The following ITSN1 variants were observed in gnomAD, a reference collection of about 807,000 sequenced individuals.
ITSN1 encodes the protein intersectin 1, also known as intersectin-1.
ITSN1 carries 58 observed loss-of-function variants against 239.8 expected under a neutral mutation model. The ratio of observed to expected loss-of-function variants is 0.24; its 90% confidence interval spans 0.20 to 0.30. ITSN1 has a LOEUF of 0.30. ITSN1 is among the 10% of genes least tolerant of loss of function. The pLI, the probability that ITSN1 is intolerant of heterozygous loss-of-function variation, is 1.00. For missense variants in ITSN1, 1,558 were observed against 2,103.3 expected, an observed-to-expected ratio of 0.74 and a Z score of 5.07; for synonymous variants, 780 against 770.8, an observed-to-expected ratio of 1.01 and a Z score of -0.20.
intron 8 of ITSN1, among the ~76,000 whole-genome samples, chr21:33,760,871 G>A (rs1369362878): frequency 6.6e-6 from 1 of 152,112 alleles, no homozygotes; most frequent in Non-Finnish European, 1.5e-5. Flanking sequence ...AAAGGAAGAC[G>A]TATTTATTTC....
intron 11 of ITSN1, among the ~76,000 whole-genome samples, chr21:33,770,627 G>A (rs928190455): frequency 2.0e-5 from 3 of 152,112 alleles, no homozygotes; most frequent in African/African-American, 7.2e-5. Flanking sequence ...TTTACCTGTT[G>A]TGGATATTTC....
chr21:33,868,051 G>A (rs1193519192), intron 33 of ITSN1, among the ~76,000 whole-genome samples: 4 of 152,328 alleles, frequency 2.6e-5, no homozygotes, highest in African/African-American at 7.2e-5. Flanking sequence ...AAGCTTCCAC[G>A]GTGTGGAAAG....
chr21:33,734,380 C>A (rs2066369143), intron 4 of ITSN1, among the ~76,000 whole-genome samples: 1 of 152,142 alleles, frequency 6.6e-6, no homozygotes, highest in South Asian at 2.1e-4. Flanking sequence ...GTACCATTTT[C>A]AAATAGCAGA....
intron 1 of ITSN1, among the ~76,000 whole-genome samples, chr21:33,692,684 A>C (rs994956147): frequency 6.6e-6 from 1 of 152,244 alleles, no homozygotes; most frequent in African/African-American, 2.4e-5. Context: ...CTCATCCATT[A>C]AATATAGTCA....
intron 1 of ITSN1, among the ~76,000 whole-genome samples, chr21:33,701,384 A>G (rs902509563): frequency 6.6e-6 from 1 of 152,062 alleles, no homozygotes; most frequent in Non-Finnish European, 1.5e-5. Flanking sequence ...TTCGGCCTCC[A>G]AAAGTGCTGG....
intron 23 of ITSN1, among the ~76,000 whole-genome samples, chr21:33,818,964 A>T (rs2073468510): frequency 6.6e-6 from 1 of 152,252 alleles, no homozygotes; most frequent in Non-Finnish European, 1.5e-5. Flanking sequence ...TAGCAAAAAT[A>T]TTCAATGAGC....
Position 33,836,539 on chromosome 21 carries a change from C to A in ITSN1, c.3568C>A (p.Pro1190Thr). ...QIINVLNKED[P>T]DWWKGEVNGQ... ...CATCAACGTCCTCAACAAGGAGGACCCTGACTGGTGGAAAGGAGAAGTCAA... is the reference window on the plus strand; with the variant it reads ...CATCAACGTCCTCAACAAGGAGGACACTGACTGGTGGAAAGGAGAAGTCAA... Residue 1190 changes from proline (P) to threonine (T), a missense_variant, in exon 29 of 40, where the codon CCT becomes ACT. Coordinates refer to ENST00000381318, the MANE Select transcript of ITSN1 (RefSeq NM_003024.3). 6.2e-7 allele frequency: 1 copy of A among 1,613,870 alleles called. No homozygotes were observed. The highest frequency in any genetic ancestry group is 2.2e-5 in the East Asian group (1 of 44,870).
intron 1 of ITSN1, among the ~76,000 whole-genome samples, chr21:33,646,118 C>T (rs1172405828): frequency 6.6e-6 from 1 of 152,110 alleles, no homozygotes; most frequent in Non-Finnish European, 1.5e-5. Flanking sequence ...TATTAAAGCC[C>T]AGCATATTAC....
intron 5 of ITSN1, among the ~76,000 whole-genome samples, chr21:33,736,048 T>C (rs1163510470): frequency 2.0e-5 from 3 of 152,218 alleles, no homozygotes; most frequent in Non-Finnish European, 2.9e-5. Context: ...ATTTTTCTTA[T>C]AAGCTAATTG....
At chr21:33,830,171 C>CGT (rs150326367) in intron 27 of ITSN1, among the ~76,000 whole-genome samples, 1 of 151,776 alleles carries the variant, frequency 6.6e-6, no homozygotes, top group Non-Finnish European at 1.5e-5. Flanking sequence ...TGTGCGCGCA[C>CGT]GTGTGTGTGT....
At chr21:33,866,452 C>T (rs1352579475) in intron 32 of ITSN1, among the ~76,000 whole-genome samples, 1 of 151,890 alleles carries the variant, frequency 6.6e-6, no homozygotes, top group Non-Finnish European at 1.5e-5. Context: ...CAGGAAAGTG[C>T]TGACACCAGC....
Position 33,856,827 on chromosome 21 carries a change from C to G in ITSN1, c.3753C>G (p.Asn1251Lys). 6.2e-7 allele frequency: 1 copy of G among 1,614,030 alleles called. No individual in the cohort carries two copies. The highest frequency in any genetic ancestry group is 8.5e-7 in the Non-Finnish European group (1 of 1,179,988). ...YIHELIVTEE[N>K]YVNDLQLVTE... ...ACGAGCTCATTGTCACCGAGGAGAA[C>G]TATGTGAATGACCTGCAGCTGGTCA... Residue 1251 changes from asparagine (N) to lysine (K), a missense_variant, in exon 30 of 40, where the codon AAC becomes AAG. Transcript: ENST00000381318.
rs555092403 is a variant in ITSN1, at chr21:33,836,520, C to T, written c.3549C>T (p.Asn1183=). 20 of 1,613,970 alleles carry T rather than the reference C, an allele frequency of 1.2e-5. No homozygotes were observed. The highest frequency in any genetic ancestry group is 9.9e-5 in the South Asian group (9 of 91,074). Residue 1183 remains asparagine (N), a synonymous_variant, in exon 29 of 40, where the codon AAC becomes AAT. Coordinates refer to ENST00000381318, the MANE Select transcript of ITSN1 (RefSeq NM_003024.3). ...ELAFNKGQII[N]VLNKEDPDWW... Reference sequence around the variant, plus strand: ...CCTTCAACAAGGGCCAGATCATCAACGTCCTCAACAAGGAGGACCCTGACT... The same window carrying T: ...CCTTCAACAAGGGCCAGATCATCAATGTCCTCAACAAGGAGGACCCTGACT...
At chr21:33,750,852 T>A (rs2067502625) in intron 6 of ITSN1, among the ~76,000 whole-genome samples, 1 of 152,226 alleles carries the variant, frequency 6.6e-6, no homozygotes, top group Non-Finnish European at 1.5e-5. Flanking sequence ...GAGACTTTAT[T>A]AAGTCTTTTT....
At position 33,787,638 on chromosome 21, in the gene ITSN1, A is replaced by G. The variant is rs189419612; in HGVS notation, c.1824+5505A>G. Reference sequence around the variant, plus strand: ...GTGAAAGGCAAAATGTTTAGCAACCAGAGGAAAAAAGAAAAGAGCTGGAGA... The same window carrying G: ...GTGAAAGGCAAAATGTTTAGCAACCGGAGGAAAAAAGAAAAGAGCTGGAGA... On this transcript the variant is annotated intron_variant, in intron 16 of 39. Coordinates refer to ENST00000381318, the MANE Select transcript of ITSN1 (RefSeq NM_003024.3). Among the ~76,000 whole-genome samples the G allele has an allele frequency of 1.2e-3, 182 of 152,342 alleles. 1 individual carries two copies. Among genetic ancestry groups the G allele is most frequent in the African/African-American group, 4.2e-3 (175 of 41,574 alleles).
At chr21:33,842,819 G>A (rs936779768) in intron 29 of ITSN1, among the ~76,000 whole-genome samples, 4 of 152,160 alleles carry the variant, frequency 2.6e-5, no homozygotes, top group Admixed American at 2.6e-4. Flanking sequence ...CTCTGACCCA[G>A]GAGAGGGGAG....
Position 33,856,848 on chromosome 21 carries a change from G to C in ITSN1, c.3774G>C (p.Leu1258=), listed in dbSNP as rs1008332115. ...AGAACTATGTGAATGACCTGCAGCT[G>C]GTCACAGAGGTAAGGGAGCTGGTGG... ...TEENYVNDLQ[L]VTEIFQKPLM... Residue 1258 remains leucine, a synonymous_variant, in exon 30 of 40, where the codon CTG becomes CTC. Transcript: ENST00000381318. 1 of 1,614,072 alleles carries C rather than the reference G, an allele frequency of 6.2e-7. No homozygotes were observed. The highest frequency in any genetic ancestry group is 8.5e-7 in the Non-Finnish European group (1 of 1,179,992).
chr21:33,711,035 A>C (rs190799891), intron 1 of ITSN1, among the ~76,000 whole-genome samples: 3 of 152,080 alleles, frequency 2.0e-5, no homozygotes, highest in Non-Finnish European at 2.9e-5. Flanking sequence ...TCGTGATCCC[A>C]AAGTGCTGGG....
Position 33,815,915 on chromosome 21 carries a change from C to T in ITSN1, c.2727+1843C>T, listed in dbSNP as rs868423101. Among the ~76,000 whole-genome samples the T allele has an allele frequency of 3.3e-5, 5 of 152,094 alleles. No individual in the cohort carries two copies. In the South Asian group the frequency reaches 1.0e-3, roughly 32 times the overall value. Reference sequence around the variant, plus strand: ...AGAAGAATGAAGAATTGGGCCGGCGCGGTGGCTCATGCCTGTTATCGCAGC... The same window carrying T: ...AGAAGAATGAAGAATTGGGCCGGCGTGGTGGCTCATGCCTGTTATCGCAGC... On this transcript the variant is annotated intron_variant, in intron 22 of 39. Transcript: ENST00000381318.
Sources: gnomAD v4.1 joint callset for allele counts (sites outside exome capture counted in the v4.1 genomes callset) on GRCh38, gnomAD v4.1.1 for gene constraint, MANE v1.5 for transcripts, NCBI Gene and HGNC (gene_info 2026-07-23, HGNC 2026-07-21) for gene names.